The following SVEP1 variants were observed in gnomAD, a reference collection of about 807,000 sequenced individuals.
SVEP1 encodes the protein sushi, von Willebrand factor type A, EGF and pentraxin domain-containing protein 1.
SVEP1 carries 164 observed loss-of-function variants against 367.3 expected under a neutral mutation model. That is an observed-to-expected ratio of 0.45 (90% CI 0.39 to 0.51). SVEP1 has a LOEUF of 0.51. Ranked by LOEUF, SVEP1 falls within the 20% of genes least tolerant of loss-of-function variation. The pLI, the probability that SVEP1 is intolerant of heterozygous loss-of-function variation, is 0.00. For missense variants in SVEP1, 4,117 were observed against 4,425.3 expected (o/e 0.93, Z 1.98); for synonymous variants, 1,666 against 1,611.6 (o/e 1.03, Z -0.81).
chr9:110,405,888 G>C (rs1009102040), intron 38 of SVEP1, among the ~76,000 whole-genome samples: 7 of 152,164 alleles, frequency 4.6e-5, no homozygotes, highest in Non-Finnish European at 7.3e-5. Flanking sequence ...CTAGCTAGAG[G>C]ATCTTGCTGT....
chr9:110,386,876 CAT>C (rs1277944595), intron 42 of SVEP1, among the ~76,000 whole-genome samples: 1 of 152,226 alleles, frequency 6.6e-6, no homozygotes, highest in African/African-American at 2.4e-5. Flanking sequence ...GGCTATAACT[CAT>C]TATCTTAATT....
At chr9:110,568,268 G>A (rs1564178659) in intron 1 of SVEP1, among the ~76,000 whole-genome samples, 1 of 152,290 alleles carries the variant, frequency 6.6e-6, no homozygotes, top group South Asian at 2.1e-4. Context: ...GGCAAATCAA[G>A]GCTCCCGCTC....
At chr9:110,410,415 A>G (rs1368398189) in intron 37 of SVEP1, among the ~76,000 whole-genome samples, 1 of 152,180 alleles carries the variant, frequency 6.6e-6, no homozygotes, top group Non-Finnish European at 1.5e-5. Context: ...TAAAAACTAC[A>G]TTATTTGGTT....
intron 46 of SVEP1, 110 bp from the exon 47 acceptor site, chr9:110,370,126 T>C: frequency 1.1e-6 from 1 of 921,596 alleles, no homozygotes; most frequent in Non-Finnish European, 1.7e-6. Flanking sequence ...CAGCCACTGC[T>C]GGTCTTCATA....
intron 40 of SVEP1, among the ~76,000 whole-genome samples, chr9:110,396,098 A>G (rs1446895774): frequency 6.6e-6 from 1 of 152,198 alleles, no homozygotes; most frequent in Non-Finnish European, 1.5e-5. Context: ...ACAGTTGGAA[A>G]TAAAGCACTC....
intron 45 of SVEP1, among the ~76,000 whole-genome samples, chr9:110,375,964 G>A (rs72762677): frequency 0.12 from 18,122 of 150,472 alleles, 1,151 homozygotes; most frequent in African/African-American, 0.14. Flanking sequence ...CTTTATTTCC[G>A]AGAAGCTGAG....
chr9:110,458,346 T>A, intron 20 of SVEP1, 125 bp downstream of exon 20: 1 of 771,950 alleles, frequency 1.3e-6, no homozygotes, highest in Non-Finnish European at 2.1e-6. Flanking sequence ...TATTCATTTA[T>A]AAAATTCATA....
At chr9:110,453,766 G>A (rs1328064793) in intron 22 of SVEP1, among the ~76,000 whole-genome samples, 3 of 151,968 alleles carry the variant, frequency 2.0e-5, no homozygotes, top group African/African-American at 7.3e-5. Flanking sequence ...CTACTTGGGA[G>A]GCTAAGACAG....
intron 24 of SVEP1, among the ~76,000 whole-genome samples, chr9:110,448,103 T>C (rs1375162748): frequency 6.6e-6 from 1 of 152,080 alleles, no homozygotes; most frequent in Non-Finnish European, 1.5e-5. Context: ...TGCAGGACGG[T>C]GATTACTGCT....
intron 1 of SVEP1, among the ~76,000 whole-genome samples, chr9:110,575,706 G>GA (rs921829779): frequency 2.6e-5 from 4 of 152,070 alleles, no homozygotes; most frequent in African/African-American, 9.7e-5. Context: ...AAAGCGCTGA[G>GA]AAAAAATATT....
rs189530249 is a variant in SVEP1 at position 110,431,567 on chromosome 9, T to C, written c.5353+348A>G. Among the ~76,000 whole-genome samples, 211 of 152,324 alleles carry C rather than the reference T, an allele frequency of 1.4e-3. 3 individuals are homozygous for C. The highest frequency in any genetic ancestry group is 1.8e-3 in the Non-Finnish European group (121 of 68,026). ...AGAGGAAAGATATTGATAGTGAAGA[T>C]GTGATAAAGCATCTTCCTTGCTCTG... On this transcript the variant is annotated intron_variant, in intron 32 of 47. Transcript: ENST00000374469.
At chr9:110,556,801 T>G (rs899026822) in intron 1 of SVEP1, among the ~76,000 whole-genome samples, 1 of 152,146 alleles carries the variant, frequency 6.6e-6, no homozygotes. Context: ...AACGTTATCT[T>G]TTAAAGAACT....
chr9:110,536,788 C>T (rs1252295120), intron 3 of SVEP1, among the ~76,000 whole-genome samples: 1 of 151,870 alleles, frequency 6.6e-6, no homozygotes, highest in African/African-American at 2.4e-5. Flanking sequence ...TGTTGGTGTG[C>T]TGCACCCATT....
At chr9:110,540,567 T>C (rs1190904849) in intron 3 of SVEP1, among the ~76,000 whole-genome samples, 3 of 152,076 alleles carry the variant, frequency 2.0e-5, no homozygotes, top group Non-Finnish European at 4.4e-5. Flanking sequence ...TCTTAAGGAG[T>C]AATGTAACAT....
intron 24 of SVEP1, among the ~76,000 whole-genome samples, chr9:110,449,512 G>A (rs1359840342): frequency 3.9e-5 from 6 of 152,070 alleles, no homozygotes; most frequent in Admixed American, 1.3e-4. Flanking sequence ...GTGAAACCCC[G>A]TCTCTACTAA....
At chr9:110,456,432 CAAGGTA>C (rs1588062386) in intron 21 of SVEP1, among the ~76,000 whole-genome samples, 1 of 152,024 alleles carries the variant, frequency 6.6e-6, no homozygotes, top group Non-Finnish European at 1.5e-5. Context: ...TATGGAACGT[CAAGGTA>C]AATATTTTTA....
chr9:110,451,448 C>T, intron 22 of SVEP1, 46 bp from the exon 23 acceptor site: 1 of 1,402,652 alleles, frequency 7.1e-7, no homozygotes, highest in African/African-American at 1.4e-5. Context: ...CTTGACAGAA[C>T]TTTAAGACCA....
At chr9:110,430,505 A>C (rs3739447) in intron 32 of SVEP1, 55 bp from the exon 33 acceptor site, 1 of 1,514,670 alleles carries the variant, frequency 6.6e-7, no homozygotes, top group Admixed American at 2.2e-5. Flanking sequence ...AACCATGCAA[A>C]GTCTCACAGC....
chr9:110,560,815 C>A (rs1311588951), intron 1 of SVEP1, among the ~76,000 whole-genome samples: 2 of 152,172 alleles, frequency 1.3e-5, no homozygotes, highest in Non-Finnish European at 2.9e-5. Flanking sequence ...AAATCACAAT[C>A]TAATCGCCCC....
Sources: allele counts gnomAD v4.1 joint callset (sites outside exome capture counted in the v4.1 genomes callset), GRCh38; gene constraint gnomAD v4.1.1; transcripts MANE v1.5; gene names NCBI Gene and HGNC (gene_info 2026-07-23, HGNC 2026-07-21).